PECR: variants seen among roughly 807,000 people sequenced by gnomAD.
The protein encoded by PECR is 2,4-dienoyl-CoA reductase-related protein.
PECR carries 30 observed loss-of-function variants against 35.3 expected under a neutral mutation model. The ratio of observed to expected loss-of-function variants is 0.85; its 90% confidence interval spans 0.64 to 1.15. PECR has a LOEUF of 1.15. PECR is among the 50% of genes most tolerant of loss of function. PECR has a pLI of 0.00. For missense variants in PECR, 392 were observed against 370.8 expected (o/e 1.06, Z -0.47); for synonymous variants, 148 against 138.9 (o/e 1.07, Z -0.46).
chr2:216,043,762 A>G, intron 7 of PECR, 142 bp downstream of exon 7: 1 of 645,156 alleles, frequency 1.6e-6, no homozygotes, highest in Non-Finnish European at 2.9e-6. Flanking sequence ...AAAAAATCAC[A>G]TCATGAATAT....
intron 7 of PECR, among the ~76,000 whole-genome samples, chr2:216,042,198 C>T (rs903494982): frequency 3.3e-5 from 5 of 152,162 alleles, no homozygotes; most frequent in African/African-American, 9.7e-5. Flanking sequence ...AATGAGAGGA[C>T]GCCCAGCTGG....
chr2:216,043,879 G>A (rs368826601), intron 7 of PECR, 25 bp downstream of exon 7: 15 of 1,194,412 alleles, frequency 1.3e-5, no homozygotes, highest in Non-Finnish European at 1.9e-5. Context: ...TAAAGCTGGT[G>A]ACTGCTCATT....
At chr2:216,066,578 T>G in intron 1 of PECR, 60 bp from the exon 2 acceptor site, 1 of 1,520,988 alleles carries the variant, frequency 6.6e-7, no homozygotes, top group Non-Finnish European at 9.1e-7. Flanking sequence ...ATGACCACAT[T>G]ACACCTTGAA....
intron 7 of PECR, among the ~76,000 whole-genome samples, chr2:216,041,869 C>G (rs1038215131): frequency 6.6e-6 from 1 of 152,228 alleles, no homozygotes; most frequent in Non-Finnish European, 1.5e-5. Flanking sequence ...CATGAAGGTT[C>G]CTGGCAGGTG....
At chr2:216,073,417 T>C (rs930759741) in intron 1 of PECR, among the ~76,000 whole-genome samples, 27 of 152,164 alleles carry the variant, frequency 1.8e-4, no homozygotes, top group Admixed American at 1.6e-3. Flanking sequence ...TTTATAAATT[T>C]AGTTTAGCCT....
intron 7 of PECR, among the ~76,000 whole-genome samples, chr2:216,040,834 G>A (rs895777885): frequency 2.0e-5 from 3 of 152,054 alleles, no homozygotes; most frequent in African/African-American, 7.2e-5. Context: ...TCATGTCACT[G>A]CACTCCAGCC....
At chr2:216,064,103 T>C (rs953139800) in intron 3 of PECR, 1 of 152,256 alleles carries the variant, frequency 6.6e-6, no homozygotes, top group Non-Finnish European at 1.5e-5. Context: ...TAATTGACAG[T>C]TGTTAGCAAG....
At chr2:216,076,629 A>T (rs1333858226) in intron 1 of PECR, among the ~76,000 whole-genome samples, 1 of 151,908 alleles carries the variant, frequency 6.6e-6, no homozygotes, top group East Asian at 2.0e-4. Flanking sequence ...GTAAAACTCC[A>T]TCTCTACTAA....
At chr2:216,069,178 C>T (rs1695535799) in intron 1 of PECR, among the ~76,000 whole-genome samples, 1 of 152,158 alleles carries the variant, frequency 6.6e-6, no homozygotes, top group Non-Finnish European at 1.5e-5. Context: ...AAAATGCAAA[C>T]TTTACTGCTA....
At chr2:216,073,639 T>G (rs1175012363) in intron 1 of PECR, among the ~76,000 whole-genome samples, 1 of 151,818 alleles carries the variant, frequency 6.6e-6, no homozygotes, top group Non-Finnish European at 1.5e-5. Flanking sequence ...TTTTGTATGT[T>G]TTTATATAAT....
chr2:216,053,727 T>A (rs1415584321), intron 4 of PECR, among the ~76,000 whole-genome samples: 1 of 152,128 alleles, frequency 6.6e-6, no homozygotes, highest in East Asian at 1.9e-4. Flanking sequence ...CAACCTATAT[T>A]TGTGTAATTT....
At position 216,038,552 on chromosome 2, in the gene PECR, T is replaced by G. The variant is rs1300900130; in HGVS notation, c.*723A>C. 1 of 152,230 alleles carries G rather than the reference T, an allele frequency of 6.6e-6. No individual in the cohort carries two copies. Among genetic ancestry groups the G allele is most frequent in the Non-Finnish European group, 1.5e-5 (1 of 68,046 alleles). The allele number at this position is 152,230 out of a possible 1,614,324, so 9.4% of individuals were successfully genotyped here. ...TAATTCTAATTTTAATAATCTTAAT[T>G]ACGACACAATTTAGGTTTATTTTCT... On this transcript the variant is annotated 3_prime_UTR_variant, in exon 8 of 8. Transcript: ENST00000265322.
intron 4 of PECR, chr2:216,057,900 A>G (rs922789720): frequency 6.6e-6 from 1 of 152,152 alleles, no homozygotes; most frequent in Non-Finnish European, 1.5e-5. Context: ...TTTTGCTGGC[A>G]TGACTTGAGA....
At chr2:216,030,419 G>A (rs1694662155) in intron 7 of PECR, among the ~76,000 whole-genome samples, 1 of 152,146 alleles carries the variant, frequency 6.6e-6, no homozygotes, top group South Asian at 2.1e-4. Context: ...TAAAATGCTG[G>A]TAATAATGAA....
At chr2:216,080,986 T>A (rs1309349429) in intron 1 of PECR, among the ~76,000 whole-genome samples, 1 of 152,196 alleles carries the variant, frequency 6.6e-6, no homozygotes, top group East Asian at 1.9e-4. Context: ...TGAGACCCTA[T>A]CTCAAAACCA....
At chr2:216,034,610 T>C (rs1007918519), downstream of PECR, among the ~76,000 whole-genome samples, 2 of 152,062 alleles carry the variant, frequency 1.3e-5, no homozygotes, top group African/African-American at 2.4e-5. Flanking sequence ...ATGGTGGAGA[T>C]GGAAAATCTT....
At chr2:216,034,276 C>T (rs927337426), downstream of PECR, among the ~76,000 whole-genome samples, 2 of 152,184 alleles carry the variant, frequency 1.3e-5, no homozygotes, top group Non-Finnish European at 1.5e-5. Context: ...AAAAGAAACC[C>T]CTTAGACCTC....
At chr2:216,061,992 G>A (rs754213165) in intron 3 of PECR, among the ~76,000 whole-genome samples, 11 of 151,648 alleles carry the variant, frequency 7.3e-5, no homozygotes, top group Non-Finnish European at 1.3e-4. Flanking sequence ...GTGCATGATT[G>A]TAGAGAGGGA....
At chr2:216,058,830 A>G in intron 4 of PECR, 65 bp downstream of exon 4, 1 of 857,578 alleles carries the variant, frequency 1.2e-6, no homozygotes, top group South Asian at 1.4e-5. Flanking sequence ...GTTCCCTAAC[A>G]TGCTTCCCCC....
Sources: gnomAD v4.1 joint callset for allele counts (sites outside exome capture counted in the v4.1 genomes callset) on GRCh38, gnomAD v4.1.1 for gene constraint, MANE v1.5 for transcripts, NCBI Gene and HGNC (gene_info 2026-07-23, HGNC 2026-07-21) for gene names.